SLC37A3: variants seen among roughly 807,000 people sequenced by gnomAD.
SLC37A3 encodes the protein sugar phosphate exchanger 3.
In SLC37A3, 51 loss-of-function variants were observed where a neutral mutation model predicts 67.1. The observed-to-expected ratio is 0.76, with a 90% CI of 0.61 to 0.96. SLC37A3 has a LOEUF of 0.96. Ranked by LOEUF, SLC37A3 falls within the 40% of genes least tolerant of loss-of-function variation. The pLI is 0.00. For missense variants in SLC37A3, 508 were observed against 603.0 expected (o/e 0.84, Z 1.65); for synonymous variants, 214 against 231.4 (o/e 0.92, Z 0.68).
intron 3 of SLC37A3, among the ~76,000 whole-genome samples, chr7:140,374,398 G>A (rs1797939951): frequency 6.6e-6 from 1 of 151,540 alleles, no homozygotes; most frequent in Admixed American, 6.6e-5. Flanking sequence ...TCATGAGACT[G>A]AGACGGGAGA....
At chr7:140,381,149 C>T (rs13244256) in intron 2 of SLC37A3, among the ~76,000 whole-genome samples, 54,465 of 147,964 alleles carry the variant, frequency 0.37, 11,142 homozygotes, top group Non-Finnish European at 0.46. Context: ...CCACCCACCT[C>T]GGCCTCCCAA....
chr7:140,385,874 C>T (rs1798429011), intron 1 of SLC37A3, among the ~76,000 whole-genome samples: 1 of 152,066 alleles, frequency 6.6e-6, no homozygotes, highest in African/African-American at 2.4e-5. Flanking sequence ...CCTCCAACTC[C>T]CAGGTTCAAG....
Position 140,388,810 on chromosome 7 carries a change from T to TA in SLC37A3, c.-70-6215dup, listed in dbSNP as rs916391134. Among the ~76,000 whole-genome samples, 524 of 146,246 alleles carry TA rather than the reference T, an allele frequency of 3.6e-3. 2 individuals carry two copies. The highest frequency in any genetic ancestry group is 0.012 in the African/African-American group (479 of 40,320). ...GGCAACAAGAGCAAGACTCCATCTT[T>TA]AAAAAAAAAAAATCCAGAACCATTA... On this transcript the variant is annotated intron_variant, in intron 1 of 14. Transcript: ENST00000326232.
chr7:140,346,073 A>G (rs1308603468), intron 10 of SLC37A3, 103 bp from the exon 11 acceptor site: 1 of 796,600 alleles, frequency 1.3e-6, no homozygotes, highest in South Asian at 1.4e-5. Context: ...GCAGCCTGAC[A>G]CTAGTCTATC....
At chr7:140,345,766 G>T in intron 11 of SLC37A3, 103 bp downstream of exon 11, 2 of 883,080 alleles carry the variant, frequency 2.3e-6, no homozygotes, top group South Asian at 1.3e-5. Flanking sequence ...CTTGAAGCTG[G>T]TCTCCAGGCT....
chr7:140,393,029 T>C (rs982598663), intron 1 of SLC37A3, among the ~76,000 whole-genome samples: 15 of 151,778 alleles, frequency 9.9e-5, no homozygotes, highest in African/African-American at 3.6e-4. Flanking sequence ...GAGGTGGAGG[T>C]TGCAGTGAGC....
intron 11 of SLC37A3, 85 bp from the exon 12 acceptor site, chr7:140,345,348 C>T: frequency 2.1e-6 from 2 of 965,632 alleles, no homozygotes. Flanking sequence ...AGATCTGAAT[C>T]TCCGTGACCT....
At chr7:140,352,016 C>A in intron 8 of SLC37A3, 46 bp downstream of exon 8, 1 of 1,554,026 alleles carries the variant, frequency 6.4e-7, no homozygotes. Flanking sequence ...TTCCTTTCGG[C>A]CATAATAGTA....
chr7:140,359,204 G>A (rs938463024), intron 5 of SLC37A3, among the ~76,000 whole-genome samples: 3 of 152,012 alleles, frequency 2.0e-5, no homozygotes, highest in Non-Finnish European at 2.9e-5. Flanking sequence ...TTAGCTAGGC[G>A]TGGTGGCAGG....
intron 1 of SLC37A3, among the ~76,000 whole-genome samples, chr7:140,389,597 A>T (rs1381720994): frequency 6.6e-6 from 1 of 152,162 alleles, no homozygotes; most frequent in African/African-American, 2.4e-5. Flanking sequence ...CTGTTTTGCC[A>T]TTGCAGTTCC....
At chr7:140,362,441 C>A (rs1797366301) in intron 5 of SLC37A3, among the ~76,000 whole-genome samples, 1 of 141,308 alleles carries the variant, frequency 7.1e-6, no homozygotes, top group Admixed American at 6.9e-5. Flanking sequence ...CAGCCCCCCG[C>A]CCGGCCAGCC....
chr7:140,367,152 A>G (rs1284330416), intron 4 of SLC37A3, among the ~76,000 whole-genome samples: 1 of 146,036 alleles, frequency 6.8e-6, no homozygotes, highest in Non-Finnish European at 1.5e-5. Context: ...AAAAAAAAAA[A>G]TAGGCCAGGC....
chr7:140,394,190 TG>T (rs1272708078), intron 1 of SLC37A3, among the ~76,000 whole-genome samples: 3 of 151,850 alleles, frequency 2.0e-5, no homozygotes, highest in Non-Finnish European at 2.9e-5. Flanking sequence ...AGTTTTTTTT[TG>T]AATCAATGAA....
chr7:140,388,161 G>A (rs1256161768), intron 1 of SLC37A3, among the ~76,000 whole-genome samples: 2 of 151,722 alleles, frequency 1.3e-5, no homozygotes, highest in Non-Finnish European at 1.5e-5. Context: ...GGACAGACAT[G>A]GTGGCTCATG....
At chr7:140,351,868 C>T in intron 8 of SLC37A3, 194 bp downstream of exon 8, 1 of 695,070 alleles carries the variant, frequency 1.4e-6, no homozygotes, top group Admixed American at 2.2e-5. Context: ...CATCACTCCC[C>T]TCAAACACGT....
chr7:140,388,980 A>G (rs1798619492), intron 1 of SLC37A3, among the ~76,000 whole-genome samples: 1 of 152,172 alleles, frequency 6.6e-6, no homozygotes, highest in East Asian at 1.9e-4. Flanking sequence ...TTGCAAAACT[A>G]TAACTGAGGA....
intron 10 of SLC37A3, chr7:140,348,308 G>T: frequency 5.1e-6 from 1 of 195,650 alleles, no homozygotes; most frequent in Non-Finnish European, 1.0e-5. Flanking sequence ...CGTATGAAAG[G>T]ATTGCATTTA....
intron 1 of SLC37A3, among the ~76,000 whole-genome samples, chr7:140,390,328 T>C (rs905400023): frequency 6.6e-6 from 1 of 152,050 alleles, no homozygotes; most frequent in Non-Finnish European, 1.5e-5. Flanking sequence ...CCTCGTATCT[T>C]TCCTCTCTAG....
At chr7:140,383,218 T>C (rs1156748022) in intron 1 of SLC37A3, among the ~76,000 whole-genome samples, 2 of 152,080 alleles carry the variant, frequency 1.3e-5, no homozygotes, top group African/African-American at 4.8e-5. Context: ...AAAAAGAATT[T>C]CCAGGGATCT....
Sources: gnomAD v4.1 joint callset for allele counts (sites outside exome capture counted in the v4.1 genomes callset) on GRCh38, gnomAD v4.1.1 for gene constraint, MANE v1.5 for transcripts, NCBI Gene and HGNC (gene_info 2026-07-23, HGNC 2026-07-21) for gene names.